ATIC: variants seen among roughly 807,000 people sequenced by gnomAD.
ATIC encodes 5-aminoimidazole-4-carboxamide ribonucleotide formyltransferase/IMP cyclohydrolase, also known as bifunctional purine biosynthesis protein ATIC.
A neutral mutation model predicts 72.5 loss-of-function variants in ATIC; 64 were observed. That is an observed-to-expected ratio of 0.88 (90% CI 0.72 to 1.09). ATIC has a LOEUF of 1.09. Ranked by LOEUF, ATIC falls within the 50% of genes least tolerant of loss-of-function variation. The pLI is 0.00. For synonymous variants in ATIC, 281 were observed against 267.1 expected (o/e 1.05, Z -0.51); for missense variants, 787 against 732.4 (o/e 1.07, Z -0.86).
At chr2:215,335,130 T>C (rs920570012) in intron 10 of ATIC, 126 bp downstream of exon 10, 4 of 487,578 alleles carry the variant, frequency 8.2e-6, no homozygotes, top group African/African-American at 4.1e-5. Flanking sequence ...AAGTTTATCA[T>C]TTAATGTTCA....
chr2:215,312,520 A>T lies in ATIC; in HGVS notation c.42A>T (p.Lys14Asn), dbSNP rs781100226. Residue 14 changes from lysine (K) to asparagine (N), a missense_variant, in exon 2 of 16, where the codon AAA becomes AAT. Physicochemically the swap from Lys to Asn is moderately conservative, Grantham distance 94. Transcript: ENST00000236959. ...GQLALFSVSD[K>N]TGLVEFARNL... is the part of the protein sequence containing the mutation. ...CAGCCTTATTTAGTGTCTCTGACAA[A>T]ACCGGCCTTGTGGAATTTGCAAGAA... 6.2e-7 allele frequency: 1 copy of T among 1,614,188 alleles called. No individual in the cohort carries two copies. Among genetic ancestry groups the T allele is most frequent in the South Asian group, 1.1e-5 (1 of 91,084 alleles).
rs370281051 is a variant in ATIC at position 215,349,225 on chromosome 2, A to G, written c.1635A>G (p.Arg545=). The stretch of plus-strand genomic sequence containing the variant: ...GCTCTGATGCCTTCTTCCCTTTCCG[A>G]GATAACGTAGACAGAGCTAAAAGGG... ...SISSDAFFPF[R]DNVDRAKRSG... Residue 545 remains arginine, a synonymous_variant, in exon 15 of 16, where the codon CGA becomes CGG. Transcript: ENST00000236959. The G allele has an allele frequency of 1.2e-5, 20 of 1,614,046 alleles. No homozygotes were observed. In the African/African-American group the frequency reaches 2.3e-4, roughly 18 times the overall value.
At chr2:215,342,360 T>A (rs151289615) in intron 12 of ATIC, among the ~76,000 whole-genome samples, 42 of 152,366 alleles carry the variant, frequency 2.8e-4, no homozygotes, top group African/African-American at 9.6e-4. Flanking sequence ...TAAATTAAAC[T>A]TTTTAATTTT....
At chr2:215,332,306 A>C (rs990525621) in intron 7 of ATIC, 76 bp from the exon 8 acceptor site, 1 of 1,586,184 alleles carries the variant, frequency 6.3e-7, no homozygotes, top group African/African-American at 1.3e-5. Flanking sequence ...TAGTCATGTT[A>C]TTTTTTTGAG....
At chr2:215,333,531 A>G (rs1012017740) in intron 9 of ATIC, 74 bp downstream of exon 9, 1 of 1,220,552 alleles carries the variant, frequency 8.2e-7, no homozygotes, top group Non-Finnish European at 1.2e-6. Flanking sequence ...AATAAAGAGG[A>G]TAGAATAAAG....
chr2:215,321,626 A>C (rs1315837921), intron 4 of ATIC, among the ~76,000 whole-genome samples: 2 of 152,188 alleles, frequency 1.3e-5, no homozygotes, highest in East Asian at 3.8e-4. Context: ...CAGTTTCTCC[A>C]CATCCTCATC....
chr2:215,330,072 T>G (rs1395706568), intron 7 of ATIC, among the ~76,000 whole-genome samples: 1 of 152,210 alleles, frequency 6.6e-6, no homozygotes, highest in African/African-American at 2.4e-5. Flanking sequence ...CAGATACGCT[T>G]AACTATGAGA....
chr2:215,361,495 T>G, the ATIC span: 2 of 1,199,340 alleles, frequency 1.7e-6, no homozygotes, highest in African/African-American at 3.0e-5. Flanking sequence ...CTAACATCAC[T>G]CCAGTTTAGA....
At chr2:215,352,097 G>GT (rs1229533581), downstream of ATIC, among the ~76,000 whole-genome samples, 4 of 152,316 alleles carry the variant, frequency 2.6e-5, no homozygotes, top group African/African-American at 9.6e-5. Context: ...TAAATGCAGT[G>GT]TGGTGTCCTG....
chr2:215,334,783 T>C (rs1277910017), intron 9 of ATIC, 136 bp from the exon 10 acceptor site: 7 of 703,198 alleles, frequency 1.0e-5, no homozygotes, highest in East Asian at 8.7e-5. Flanking sequence ...AAATGACTTA[T>C]TGATCTGTTA....
At chr2:215,312,471 C>T (rs377751286) in intron 1 of ATIC, 27 bp from the exon 2 acceptor site, 2 of 1,614,054 alleles carry the variant, frequency 1.2e-6, no homozygotes, top group Non-Finnish European at 1.7e-6. Context: ...TGCTGCGAAT[C>T]ATGAGAAAAA....
In ATIC at chr2:215,333,372, CAG is replaced by C. The variant is rs1209808687; in HGVS notation, c.838_839del (p.Ser280Ter). ...CAGGTGCTGCTGTTGGAATTCCACT[CAG>C]TGAAGATGAGGCCAAAGTCTGCATG... ...PAGAAVGIPL[S>X]EDEAKVCMVY... On this transcript the variant is annotated frameshift_variant, in exon 9 of 16. Coordinates refer to ENST00000236959, the MANE Select transcript of ATIC (RefSeq NM_004044.7). LOFTEE classifies it high-confidence loss of function. 2 of 1,614,104 alleles carry C rather than the reference CAG, an allele frequency of 1.2e-6. No homozygotes were observed. The highest frequency in any genetic ancestry group is 1.1e-5 in the South Asian group (1 of 91,080).
Position 215,319,726 on chromosome 2 carries a change from TATAAG to T in ATIC, c.286_290del (p.Ile96SerfsTer21). The T allele has an allele frequency of 5.0e-6, 8 of 1,607,018 alleles. No homozygotes were observed. The highest frequency in any genetic ancestry group is 6.8e-6 in the Non-Finnish European group (8 of 1,173,564). On this transcript the variant is annotated frameshift_variant and splice_region_variant, in exon 4 of 16. Coordinates refer to ENST00000236959, the MANE Select transcript of ATIC (RefSeq NM_004044.7). LOFTEE classifies it high-confidence loss of function. ...ACATGGCCAGACTTGATTTCAATCTTATAAGGTAAAAACCTGAAATTAAACTTTTA... is the reference window on the plus strand; with the variant it reads ...ACATGGCCAGACTTGATTTCAATCTTGTAAAAACCTGAAATTAAACTTTTA...
chr2:215,361,591 T>C, the ATIC span: 1 of 1,612,460 alleles, frequency 6.2e-7, no homozygotes, highest in Admixed American at 1.7e-5. Context: ...CCTGTACATC[T>C]AAAGGCATGA....
intron 7 of ATIC, 73 bp downstream of exon 7, chr2:215,327,051 G>A (rs2052836453): frequency 1.9e-6 from 3 of 1,599,820 alleles, no homozygotes; most frequent in Non-Finnish European, 2.6e-6. Context: ...TGCATCTGAT[G>A]TGGTTCACAT....
intron 5 of ATIC, 73 bp from the exon 6 acceptor site, chr2:215,325,914 A>G (rs1379116074): frequency 6.4e-7 from 1 of 1,554,474 alleles, no homozygotes; most frequent in Non-Finnish European, 8.8e-7. Context: ...TACATGCACA[A>G]TGACTTTATT....
chr2:215,333,101 A>T (rs929545425), intron 8 of ATIC, among the ~76,000 whole-genome samples: 4 of 152,180 alleles, frequency 2.6e-5, no homozygotes, highest in African/African-American at 9.6e-5. Flanking sequence ...CTTCACCTAC[A>T]CGCTGGGTAC....
chr2:215,335,664 G>T (rs760320957), intron 10 of ATIC, among the ~76,000 whole-genome samples: 1 of 152,144 alleles, frequency 6.6e-6, no homozygotes, highest in African/African-American at 2.4e-5. Context: ...TAAGGAAAAC[G>T]CCTTGCCGGA....
chr2:215,320,202 A>T (rs2052752499), intron 4 of ATIC, among the ~76,000 whole-genome samples: 1 of 152,172 alleles, frequency 6.6e-6, no homozygotes, highest in African/African-American at 2.4e-5. Flanking sequence ...TTGCATAAAG[A>T]TACTGGCTGT....
Sources: gnomAD v4.1 joint callset for allele counts (sites outside exome capture counted in the v4.1 genomes callset) on GRCh38, gnomAD v4.1.1 for gene constraint, MANE v1.5 for transcripts, NCBI Gene and HGNC (gene_info 2026-07-23, HGNC 2026-07-21) for gene names.